The following LRRC37A2 variants were observed in gnomAD, a reference collection of about 807,000 sequenced individuals.
The protein encoded by LRRC37A2 is leucine-rich repeat-containing protein 37A2.
A neutral mutation model predicts 68.8 loss-of-function variants in LRRC37A2; 9 were observed. The observed-to-expected ratio is 0.13, with a 90% CI of 0.08 to 0.23. LRRC37A2 has a LOEUF of 0.23. Ranked by LOEUF, LRRC37A2 falls within the 10% of genes least tolerant of loss-of-function variation. LRRC37A2 has a pLI of 1.00. For synonymous variants in LRRC37A2, 63 were observed against 367.6 expected (o/e 0.17, Z 9.48); for missense variants, 168 against 950.4 (o/e 0.18, Z 10.82).
the LRRC37A2 span, among the ~76,000 whole-genome samples, chr17:46,782,372 G>A: frequency 6.6e-6 from 1 of 152,130 alleles, no homozygotes; most frequent in Admixed American, 6.5e-5. Flanking sequence ...TGGGGGCCAC[G>A]GTGCTCCTGT....
chr17:46,891,283 C>T, the LRRC37A2 span, among the ~76,000 whole-genome samples: 1 of 152,170 alleles, frequency 6.6e-6, no homozygotes, highest in Non-Finnish European at 1.5e-5. Context: ...TTGAGCCTCG[C>T]CATAGCCCAC....
chr17:46,912,126 C>T, the LRRC37A2 span, among the ~76,000 whole-genome samples: 1 of 152,166 alleles, frequency 6.6e-6, no homozygotes, highest in Non-Finnish European at 1.5e-5. Flanking sequence ...CCTCTGCCTT[C>T]CTCACACCTC....
chr17:46,770,122 C>T, the LRRC37A2 span: 1 of 1,470,232 alleles, frequency 6.8e-7, no homozygotes, highest in Non-Finnish European at 9.0e-7. Flanking sequence ...ACCTCCCAGG[C>T]CAGGACGTGA....
chr17:46,978,957 C>G, the LRRC37A2 span: 1 of 1,453,646 alleles, frequency 6.9e-7, no homozygotes, highest in African/African-American at 1.5e-5. Flanking sequence ...CGCCGCCGCC[C>G]ACGCCGTCCA....
chr17:46,952,267 A>G, the LRRC37A2 span, among the ~76,000 whole-genome samples: 1 of 152,220 alleles, frequency 6.6e-6, no homozygotes, highest in Non-Finnish European at 1.5e-5. Context: ...CAGCAGGGTC[A>G]GCGCCTGAAG....
At chr17:46,991,402 G>A in the LRRC37A2 span, among the ~76,000 whole-genome samples, 1 of 152,106 alleles carries the variant, frequency 6.6e-6, no homozygotes. Flanking sequence ...CGAGGTGGGT[G>A]GATCACCTGA....
At chr17:46,839,154 A>C in the LRRC37A2 span, among the ~76,000 whole-genome samples, 1 of 152,260 alleles carries the variant, frequency 6.6e-6, no homozygotes, top group Non-Finnish European at 1.5e-5. Flanking sequence ...CTGGGATTAC[A>C]GGCGTGAGCC....
chr17:46,851,462 T>G, the LRRC37A2 span: 1 of 265,588 alleles, frequency 3.8e-6, no homozygotes, highest in Non-Finnish European at 6.8e-6. The surrounding 1 kb of genome is among the most constrained non-coding windows in gnomAD (Gnocchi z 4.3). Context: ...GCGAGGGCGG[T>G]GGGGCCAATG....
the LRRC37A2 span, among the ~76,000 whole-genome samples, chr17:46,790,878 A>G: frequency 6.6e-6 from 1 of 152,218 alleles, no homozygotes; most frequent in African/African-American, 2.4e-5. Flanking sequence ...TACATCGGAA[A>G]AGGACAGGAT....
the LRRC37A2 span, among the ~76,000 whole-genome samples, chr17:47,025,030 T>G: frequency 6.6e-6 from 1 of 151,668 alleles, no homozygotes; most frequent in African/African-American, 2.4e-5. Flanking sequence ...AGGGTTCACA[T>G]ATCATTCTTT....
chr17:46,543,775 T>A (rs1291277667), intron 8 of LRRC37A2, among the ~76,000 whole-genome samples: 1 of 151,114 alleles, frequency 6.6e-6, no homozygotes, highest in Non-Finnish European at 1.5e-5. Context: ...CCAGCCATCC[T>A]AAGGCTTAAA....
At chr17:46,704,711 A>G in the LRRC37A2 span, 1 of 1,586,424 alleles carries the variant, frequency 6.3e-7, no homozygotes, top group African/African-American at 1.4e-5. Flanking sequence ...ATTCTTAACT[A>G]TTCTTAAATC....
At chr17:46,841,076 T>C in the LRRC37A2 span, among the ~76,000 whole-genome samples, 2 of 152,164 alleles carry the variant, frequency 1.3e-5, no homozygotes, top group Non-Finnish European at 2.9e-5. Context: ...GAATTCAGGT[T>C]GGAAGGCTTA....
exon 10 of LRRC37A2, chr17:46,549,277 G>C (rs1366136118): frequency 1.2e-6 from 2 of 1,610,964 alleles, no homozygotes; most frequent in Middle Eastern, 1.7e-4. Flanking sequence ...TGCTCCTTCA[G>C]AACATTTTAT....
chr17:46,768,588 T>C, the LRRC37A2 span: 28 of 1,614,176 alleles, frequency 1.7e-5, no homozygotes, highest in Non-Finnish European at 2.2e-5. This position sits in a 1 kb window ranked among gnomAD's most constrained non-coding sequence, Gnocchi z 5.0. Flanking sequence ...CGTGGGTGGC[T>C]TGAAGAGCGA....
the LRRC37A2 span, chr17:46,756,251 T>C: frequency 6.4e-6 from 1 of 156,776 alleles, no homozygotes. Context: ...GCTTAGTAAA[T>C]CGAGGTGTGG....
At chr17:47,017,294 C>T in the LRRC37A2 span, 319 of 1,609,078 alleles carry the variant, frequency 2.0e-4, 2 homozygotes, top group African/African-American at 3.9e-3. Context: ...GGCTACTAGT[C>T]AAGGAGGCTC....
At chr17:46,767,779 TTTTGTTTG>T in the LRRC37A2 span, among the ~76,000 whole-genome samples, 6 of 152,040 alleles carry the variant, frequency 3.9e-5, no homozygotes, top group Admixed American at 1.3e-4. Flanking sequence ...TTTTGTTTTT[TTTTGTTTG>T]TTTGTTTGTT....
the LRRC37A2 span, among the ~76,000 whole-genome samples, chr17:46,585,329 A>AC: frequency 2.2e-5 from 2 of 89,210 alleles, no homozygotes; most frequent in African/African-American, 7.1e-5. Flanking sequence ...AAAAAAAAAA[A>AC]AAAAGAGAGA....
Sources: allele counts gnomAD v4.1 joint callset (sites outside exome capture counted in the v4.1 genomes callset), GRCh38; gene constraint gnomAD v4.1.1; non-coding constraint Gnocchi (gnomAD v3.1); transcripts MANE v1.5; gene names NCBI Gene and HGNC (gene_info 2026-07-23, HGNC 2026-07-21).